The following PMPCB variants were observed in gnomAD, a reference collection of about 807,000 sequenced individuals.
PMPCB encodes the protein mitochondrial-processing peptidase subunit beta.
A neutral mutation model predicts 61.5 loss-of-function variants in PMPCB; 46 were observed. The observed-to-expected ratio is 0.75, with a 90% CI of 0.59 to 0.96. PMPCB has a LOEUF of 0.96. Among genes scored for constraint, PMPCB ranks in the 40% least tolerant of loss-of-function variants. The probability of loss-of-function intolerance (pLI) is 0.00; values close to 1 mark genes in which losing one functional copy is unlikely to be tolerated. For missense variants in PMPCB, 590 were observed against 602.4 expected, an observed-to-expected ratio of 0.98 and a Z score of 0.22; for synonymous variants, 191 against 201.6, an observed-to-expected ratio of 0.95 and a Z score of 0.44.
At chr7:103,315,784 G>A (rs748433263), downstream of PMPCB, 8 of 1,613,400 alleles carry the variant, frequency 5.0e-6, no homozygotes, top group Admixed American at 5.0e-5. Flanking sequence ...TTCTGAAGGC[G>A]TTGCGTTGTC....
intron 7 of PMPCB, 93 bp downstream of exon 7, chr7:103,307,801 A>G: frequency 1.4e-6 from 1 of 710,394 alleles, no homozygotes; most frequent in Non-Finnish European, 2.5e-6. Context: ...TTCCAGTAGG[A>G]AAAGAATGGA....
downstream of PMPCB, chr7:103,317,028 A>G (rs76367182): frequency 4.9e-3 from 7,962 of 1,608,886 alleles, 325 homozygotes; most frequent in African/African-American, 0.089. Context: ...CACAAATATC[A>G]TAAGTCAGGG....
At chr7:103,347,192 C>A in the PMPCB span, among the ~76,000 whole-genome samples, 1 of 152,154 alleles carries the variant, frequency 6.6e-6, no homozygotes, top group Non-Finnish European at 1.5e-5. Context: ...GTCATCCTTT[C>A]CAACACTTAT....
chr7:103,342,002 A>G, the PMPCB span: 2 of 1,375,000 alleles, frequency 1.5e-6, no homozygotes, highest in Non-Finnish European at 1.9e-6. Flanking sequence ...GCATGGAATA[A>G]ATATGTTTCA....
chr7:103,327,214 C>T (rs1818753864), intron 12 of PMPCB: 2 of 464,354 alleles, frequency 4.3e-6, no homozygotes, highest in Non-Finnish European at 7.3e-6. Flanking sequence ...AGGATATAAT[C>T]AACTTCTTGA....
At chr7:103,309,470 T>C (rs1313644496) in intron 8 of PMPCB, among the ~76,000 whole-genome samples, 3 of 152,214 alleles carry the variant, frequency 2.0e-5, no homozygotes, top group East Asian at 1.9e-4. Flanking sequence ...GTACTAAACA[T>C]GTATGGACTT....
intron 12 of PMPCB, chr7:103,321,978 T>C (rs1818445324): frequency 6.2e-7 from 1 of 1,614,044 alleles, no homozygotes; most frequent in African/African-American, 1.3e-5. Flanking sequence ...AATGGCTTTT[T>C]TCTGGATATC....
chr7:103,322,472 TA>T, intron 12 of PMPCB: 1 of 1,399,456 alleles, frequency 7.1e-7, no homozygotes. Context: ...AAAGATTTCA[TA>T]AACATTTAAA....
Position 103,309,084 on chromosome 7 carries a change from G to A in PMPCB, c.982G>A (p.Gly328Arg), listed in dbSNP as rs528116984. 1.3e-5 allele frequency: 21 copies of A among 1,600,014 alleles called. No homozygotes were observed. Among genetic ancestry groups the A allele is most frequent in the South Asian group, 2.3e-5 (2 of 88,766 alleles). ...TLIGNWDRSFGGGMNLSSKLA... is the reference protein window; with the variant it reads ...TLIGNWDRSFRGGMNLSSKLA... ...GATTGGCAACTGGGATCGCTCTTTT[G>A]GGGGAGGAATGGTAAGTGATTTTAA... is the stretch of plus-strand genomic sequence containing the variant. The change falls in exon 8 of 13, where the codon GGG becomes AGG. Residue 328 changes from glycine (G) to arginine (R), a missense_variant. Gly to Arg is a moderately radical substitution (Grantham distance 125). Coordinates refer to ENST00000249269, the MANE Select transcript of PMPCB (RefSeq NM_004279.3).
At chr7:103,304,315 A>G in intron 5 of PMPCB, 96 bp from the exon 6 acceptor site, 2 of 760,936 alleles carry the variant, frequency 2.6e-6, no homozygotes. Flanking sequence ...ACTGCATTTT[A>G]GGATACAGTT....
At chr7:103,328,978 T>A in exon 13 of PMPCB, 1 of 1,276,916 alleles carries the variant, frequency 7.8e-7, no homozygotes, top group South Asian at 1.3e-5. Context: ...GAACAAGTTA[T>A]TTTCCAAAAG....
At chr7:103,318,665 G>GTTGAA (rs1194403892), downstream of PMPCB, among the ~76,000 whole-genome samples, 1 of 152,128 alleles carries the variant, frequency 6.6e-6, no homozygotes, top group Non-Finnish European at 1.5e-5. Flanking sequence ...ACTAATACTT[G>GTTGAA]TTGAATTGAA....
the PMPCB span, among the ~76,000 whole-genome samples, chr7:103,340,740 C>T: frequency 2.0e-5 from 3 of 152,124 alleles, no homozygotes; most frequent in African/African-American, 7.2e-5. Context: ...TACTTTTGTC[C>T]CTTGCTGTTG....
the PMPCB span, among the ~76,000 whole-genome samples, chr7:103,343,611 A>G: frequency 6.6e-6 from 1 of 152,192 alleles, no homozygotes; most frequent in South Asian, 2.1e-4. Flanking sequence ...TGAAATTACA[A>G]ACTTGTAGTA....
the PMPCB span, among the ~76,000 whole-genome samples, chr7:103,337,976 T>A: frequency 6.6e-6 from 1 of 152,108 alleles, no homozygotes; most frequent in Non-Finnish European, 1.5e-5. Context: ...GGTTGAGAAA[T>A]GTGGATTAGG....
chr7:103,325,879 A>G (rs1484325310), intron 12 of PMPCB, among the ~76,000 whole-genome samples: 1 of 152,180 alleles, frequency 6.6e-6, no homozygotes, highest in African/African-American at 2.4e-5. Flanking sequence ...TCAACTGACA[A>G]TGAGTCAGAG....
In PMPCB at chr7:103,322,361, A is replaced by G. The variant is rs180788647; in HGVS notation, c.*1432-6570A>G. On this transcript the variant is annotated intron_variant and NMD_transcript_variant, in intron 12 of 12. Transcript: ENST00000444457. ...ACGTGCTGGTAAGGAAGATCTCTCAATTATACCAACTGGTCATGATTCATT... is the reference window on the plus strand; with the variant it reads ...ACGTGCTGGTAAGGAAGATCTCTCAGTTATACCAACTGGTCATGATTCATT... 116 of 899,170 alleles carry G rather than the reference A, an allele frequency of 1.3e-4. No individual in the cohort carries two copies. The East Asian group carries it at 2.7e-3, about 21-fold the overall frequency. 55.7% of individuals were successfully genotyped at this position (899,170 alleles called of 1,614,324 possible).
At chr7:103,320,386 G>A (rs962319940) in intron 12 of PMPCB, among the ~76,000 whole-genome samples, 6 of 151,920 alleles carry the variant, frequency 3.9e-5, no homozygotes, top group African/African-American at 1.5e-4. Context: ...GCGCCCGGCT[G>A]TTTTTAACTT....
At chr7:103,320,530 G>T (rs1818327939) in intron 12 of PMPCB, among the ~76,000 whole-genome samples, 1 of 151,822 alleles carries the variant, frequency 6.6e-6, no homozygotes, top group African/African-American at 2.4e-5. Flanking sequence ...GGAGGCCGAG[G>T]CAGGCGGATC....
Sources: gnomAD v4.1 joint callset for allele counts (sites outside exome capture counted in the v4.1 genomes callset) on GRCh38, gnomAD v4.1.1 for gene constraint, MANE v1.5 for transcripts, NCBI Gene and HGNC (gene_info 2026-07-23, HGNC 2026-07-21) for gene names.